TRIM52: variants seen among roughly 807,000 people sequenced by gnomAD.
TRIM52 encodes the protein E3 ubiquitin-protein ligase TRIM52.
In TRIM52, 24 loss-of-function variants were observed where a neutral mutation model predicts 27.0. The ratio of observed to expected loss-of-function variants is 0.89; its 90% CI spans 0.64 to 1.25. TRIM52 has a LOEUF of 1.25. Among genes scored for constraint, TRIM52 ranks in the 50% most tolerant of loss-of-function variants. The pLI, the probability that TRIM52 is intolerant of heterozygous loss-of-function variation, is 0.00. For missense variants in TRIM52, 351 were observed against 354.7 expected, an observed-to-expected ratio of 0.99 and a Z score of 0.08; for synonymous variants, 125 against 126.5, an observed-to-expected ratio of 0.99 and a Z score of 0.08.
chr5:181,258,000 T>G (rs1759856425), intron 1 of TRIM52: 1 of 150,288 alleles, frequency 6.7e-6, no homozygotes, highest in Non-Finnish European at 1.5e-5. Context: ...AATAAATAAG[T>G]AAATAAATAA....
chr5:181,259,420 C>G (rs1248333419), intron 1 of TRIM52: 1 of 168,766 alleles, frequency 5.9e-6, no homozygotes, highest in Non-Finnish European at 1.3e-5. Context: ...ATCAAAGATG[C>G]TTATATGCTT....
In TRIM52 at chr5:181,260,233, C is replaced by G. The variant is rs762860887; in HGVS notation, c.581G>C (p.Ser194Thr). 1.9e-6 allele frequency: 3 copies of G among 1,614,238 alleles called. No individual in the cohort carries two copies. In the South Asian group the frequency reaches 3.3e-5, roughly 18 times the overall value. Residue 194 changes from serine (S) to threonine (T), a missense_variant, in exon 1 of 2, where the codon AGC becomes ACC. Coordinates refer to ENST00000688015, the MANE Select transcript of TRIM52 (RefSeq NM_001346048.2). The surrounding 1 kb of genome is among the most constrained non-coding windows in gnomAD (Gnocchi z 4.4). ...PQCRKSFTRR[S>T]FRPNLQLANM... Reference sequence around the variant, plus strand: ...GGCCAGCTGCAAGTTGGGACGAAAGCTGCGACGTGTAAAGCTCTTTCGGCA... The same window carrying G: ...GGCCAGCTGCAAGTTGGGACGAAAGGTGCGACGTGTAAAGCTCTTTCGGCA...
chr5:181,261,120 G>A lies in TRIM52; in HGVS notation c.-307C>T. 1 of 317,070 alleles carries A rather than the reference G, an allele frequency of 3.2e-6. No individual in the cohort carries two copies. The highest frequency in any genetic ancestry group is 5.9e-6 in the Non-Finnish European group (1 of 170,922). The allele number at this position is 317,070 out of a possible 1,614,324, so 19.6% of individuals were successfully genotyped here. The stretch of plus-strand genomic sequence containing the variant: ...TGCGGCGTCCGCCTCAGATGCAGCC[G>A]CTGGCTACCCTGCCCGAGGCGACGC... On this transcript the variant is annotated 5_prime_UTR_variant, in exon 1 of 2. Coordinates refer to ENST00000688015, the MANE Select transcript of TRIM52 (RefSeq NM_001346048.2).
intron 1 of TRIM52, 101 bp downstream of exon 1, chr5:181,259,900 T>C: frequency 6.3e-7 from 1 of 1,587,976 alleles, no homozygotes; most frequent in Non-Finnish European, 8.6e-7. Context: ...GTTTAGCAAC[T>C]AAGTACCTGA....
chr5:181,253,341 G>T (rs1273141803), downstream of TRIM52, among the ~76,000 whole-genome samples: 3 of 142,286 alleles, frequency 2.1e-5, 1 homozygote, highest in Non-Finnish European at 4.4e-5. Context: ...GGCCCTCAGG[G>T]TACTTTTAAT....
At chr5:181,253,683 T>C (rs1321464344), downstream of TRIM52, among the ~76,000 whole-genome samples, 1 of 142,344 alleles carries the variant, frequency 7.0e-6, no homozygotes, top group Non-Finnish European at 1.5e-5. Flanking sequence ...AAAATGTCAA[T>C]AGGGTCGAGG....
chr5:181,258,411 A>G (rs1048828074), intron 1 of TRIM52: 1 of 152,226 alleles, frequency 6.6e-6, no homozygotes, highest in Non-Finnish European at 1.5e-5. Flanking sequence ...TTAGAAGAGA[A>G]ATGGAAGGTT....
chr5:181,259,946 C>G (rs1759957240), intron 1 of TRIM52, 55 bp downstream of exon 1: 3 of 1,611,866 alleles, frequency 1.9e-6, no homozygotes, highest in Non-Finnish European at 1.7e-6. Context: ...TTCCTCAGCT[C>G]TCCTAGTTAC....
At position 181,260,356 on chromosome 5, in the gene TRIM52, A is replaced by T; in HGVS notation, c.458T>A (p.Ile153Lys). Residue 153 changes from isoleucine to lysine, a missense_variant, in exon 1 of 2, where the codon ATA becomes AAA. By Grantham distance (102) the Ile-to-Lys change is moderately radical (BLOSUM62 -3). Coordinates refer to ENST00000688015, the MANE Select transcript of TRIM52 (RefSeq NM_001346048.2). The surrounding 1 kb of genome is among the most constrained non-coding windows in gnomAD (Gnocchi z 4.4). ...LRIDVYREEEILEAYDEDEDE... is the reference protein window; with the variant it reads ...LRIDVYREEEKLEAYDEDEDE... ...TTCGTCCTCATCGTATGCTTCCAGT[A>T]TTTCTTCTTCTCGGTAGACATCAAT... 1.2e-6 allele frequency: 2 copies of T among 1,613,852 alleles called. No individual in the cohort carries two copies. The highest frequency in any genetic ancestry group is 1.7e-6 in the Non-Finnish European group (2 of 1,179,970).
rs545600491 is a variant in TRIM52, at chr5:181,255,336, G to C, written c.*1473C>G. On this transcript the variant is annotated 3_prime_UTR_variant, in exon 2 of 2. Transcript: ENST00000688015. ...AAAAAATAAAAAAGCTTTTTAAGGT[G>C]TAAGGAGCAAATGGAATAGTGGATA... 6.6e-6 allele frequency: 1 copy of C among 152,324 alleles called. No homozygotes were observed. The highest frequency in any genetic ancestry group is 6.5e-5 in the Admixed American group (1 of 15,296). The allele number at this position is 152,324 out of a possible 1,614,324, so 9.4% of individuals were successfully genotyped here. A position where few individuals can be genotyped will look rare whatever the true frequency, so the allele number is the denominator to read the frequency against.
At position 181,260,280 on chromosome 5, in the gene TRIM52, T is replaced by C; in HGVS notation, c.534A>G (p.Pro178=). The C allele has an allele frequency of 6.2e-7, 1 of 1,614,190 alleles. No homozygotes were observed. Among genetic ancestry groups the C allele is most frequent in the Non-Finnish European group, 8.5e-7 (1 of 1,180,024 alleles). The change falls in exon 1 of 2, where the codon CCA becomes CCG. Residue 178 remains proline (P), a synonymous_variant. Transcript: ENST00000688015. This position sits in a 1 kb window ranked among gnomAD's most constrained non-coding sequence, Gnocchi z 4.4. ...DIHPPPSLPL[P]GQFTCPQCRK... is the part of the protein sequence containing the mutation. The stretch of plus-strand genomic sequence containing the variant: ...GGCACTGGGGGCAGGTGAACTGCCC[T>C]GGAAGGGGCAAGGAAGGAGGCGGGT...
intron 1 of TRIM52, chr5:181,257,296 A>AAAAG: frequency 1.5e-6 from 2 of 1,316,198 alleles, no homozygotes; most frequent in Non-Finnish European, 1.9e-6. Context: ...ATCAAATTTT[A>AAAAG]AAAGAACATT....
downstream of TRIM52, among the ~76,000 whole-genome samples, chr5:181,253,971 A>G (rs1249513879): frequency 4.2e-5 from 6 of 142,746 alleles, 1 homozygote; most frequent in East Asian, 1.3e-3. Context: ...ACCCTGGCTC[A>G]AACAAAACAA....
At position 181,261,125 on chromosome 5, in the gene TRIM52, C is replaced by A. The variant is rs1760053888; in HGVS notation, c.-312G>T. 3.3e-6 allele frequency: 1 copy of A among 304,956 alleles called. No individual in the cohort carries two copies. The highest frequency in any genetic ancestry group is 6.1e-6 in the Non-Finnish European group (1 of 163,248). 18.9% of individuals were successfully genotyped at this position (304,956 alleles called of 1,614,324 possible). A position where few individuals can be genotyped will look rare whatever the true frequency, so the allele number is the denominator to read the frequency against. ...CGTCCGCCTCAGATGCAGCCGCTGG[C>A]TACCCTGCCCGAGGCGACGCAAAAT... On this transcript the variant is annotated 5_prime_UTR_variant, in exon 1 of 2. Transcript: ENST00000688015.
chr5:181,259,641 T>C (rs1759942829), intron 1 of TRIM52: 2 of 348,458 alleles, frequency 5.7e-6, no homozygotes, highest in Non-Finnish European at 1.1e-5. Flanking sequence ...TATCTGTACC[T>C]GTCCCAGGGA....
chr5:181,260,721 C>T lies in TRIM52; in HGVS notation c.93G>A (p.Val31=). ...AGAAGTTGTGCCCACAGCTGATGGACACGGGGTCCTTGAAGTAATCCAAGC... is the reference window on the plus strand; with the variant it reads ...AGAAGTTGTGCCCACAGCTGATGGATACGGGGTCCTTGAAGTAATCCAAGC... ...AICLDYFKDP[V]SISCGHNFCR... The change falls in exon 1 of 2, where the codon GTG becomes GTA. Residue 31 remains valine (V), a synonymous_variant. Coordinates refer to ENST00000688015, the MANE Select transcript of TRIM52 (RefSeq NM_001346048.2). This position sits in a 1 kb window ranked among gnomAD's most constrained non-coding sequence, Gnocchi z 4.4. 7 of 1,614,060 alleles carry T rather than the reference C, an allele frequency of 4.3e-6. No individual in the cohort carries two copies. Among genetic ancestry groups the T allele is most frequent in the Non-Finnish European group, 5.1e-6 (6 of 1,180,014 alleles).
chr5:181,259,002 G>A (rs1293567496), intron 1 of TRIM52: 1 of 152,222 alleles, frequency 6.6e-6, no homozygotes, highest in Non-Finnish European at 1.5e-5. Flanking sequence ...TGGGCCTGAA[G>A]ACAACCTCTC....
At chr5:181,259,315 GAGCC>G (rs1759926892) in intron 1 of TRIM52, 1 of 154,512 alleles carries the variant, frequency 6.5e-6, no homozygotes, top group East Asian at 1.9e-4. Flanking sequence ...GTAAGTGGCA[GAGCC>G]AGGTCATCTG....
At chr5:181,250,950 G>A (rs1286064442), downstream of TRIM52, among the ~76,000 whole-genome samples, 1 of 152,082 alleles carries the variant, frequency 6.6e-6, no homozygotes, top group Non-Finnish European at 1.5e-5. Flanking sequence ...CTGCCAGCTG[G>A]AATTGTCAAC....
Sources: gnomAD v4.1 joint callset for allele counts (sites outside exome capture counted in the v4.1 genomes callset) on GRCh38, gnomAD v4.1.1 for gene constraint, Gnocchi (gnomAD v3.1) non-coding constraint, MANE v1.5 for transcripts, NCBI Gene and HGNC (gene_info 2026-07-23, HGNC 2026-07-21) for gene names.